The following PEAK1 variants were observed in gnomAD, a reference collection of about 807,000 sequenced individuals.
PEAK1 encodes the protein pseudopodium enriched atypical kinase 1.
A neutral mutation model predicts 124.7 loss-of-function variants in PEAK1; 54 were observed. The ratio of observed to expected loss-of-function variants is 0.43; its 90% CI spans 0.35 to 0.54. The LOEUF (loss-of-function observed/expected upper bound fraction) is 0.54, where lower values mean the gene tolerates loss of function less well. PEAK1 is among the 20% of genes least tolerant of loss of function. The pLI is 0.01. For synonymous variants in PEAK1, 719 were observed against 760.0 expected, an observed-to-expected ratio of 0.95 and a Z score of 0.89; for missense variants, 2,046 against 2,134.5, an observed-to-expected ratio of 0.96 and a Z score of 0.82.
intron 2 of PEAK1, chr15:77,337,679 C>A: frequency 1.9e-5 from 19 of 985,176 alleles, no homozygotes; most frequent in Non-Finnish European, 2.3e-5. Flanking sequence ...AAAAAATTAA[C>A]CCGGAAAAGT....
intron 2 of PEAK1, among the ~76,000 whole-genome samples, chr15:77,311,385 T>G (rs1335617204): frequency 1.3e-5 from 2 of 151,820 alleles, no homozygotes; most frequent in African/African-American, 4.8e-5. Context: ...ACATAGAAAA[T>G]TAAAGGCAGG....
intron 2 of PEAK1, chr15:77,336,250 AAG>A: frequency 1.0e-6 from 1 of 985,364 alleles, no homozygotes; most frequent in Non-Finnish European, 1.2e-6. Flanking sequence ...AATGGGCACA[AAG>A]AATCTAATCA....
Position 77,180,076 on chromosome 15 carries a change from A to C in PEAK1, c.1851T>G (p.Ala617=). The C allele has an allele frequency of 1.9e-6, 3 of 1,614,102 alleles. No individual in the cohort carries two copies. Among genetic ancestry groups the C allele is most frequent in the Non-Finnish European group, 2.5e-6 (3 of 1,179,960 alleles). Residue 617 remains alanine (A), a synonymous_variant, in exon 7 of 10, where the codon GCT becomes GCG. Transcript: ENST00000682557. ...CTTTGATAGCATTTTTGGAACTCCG[A>C]GCATAAGTTGGCTCGTCATGAATGA... ...PIIIHDEPTY[A]RSSKNAIKVP...
chr15:77,116,090 AG>A (rs1177564018), intron 9 of PEAK1, among the ~76,000 whole-genome samples: 1 of 152,242 alleles, frequency 6.6e-6, no homozygotes, highest in African/African-American at 2.4e-5. Flanking sequence ...GGATCAAGGA[AG>A]AATTTTTTGA....
At chr15:77,277,305 T>C (rs899769769) in intron 5 of PEAK1, among the ~76,000 whole-genome samples, 8 of 152,180 alleles carry the variant, frequency 5.3e-5, no homozygotes, top group Non-Finnish European at 7.4e-5. Flanking sequence ...GGGTGAGGGA[T>C]GGTGAAAGGG....
chr15:77,215,059 C>G (rs1184704329), intron 6 of PEAK1, among the ~76,000 whole-genome samples: 1 of 152,018 alleles, frequency 6.6e-6, no homozygotes, highest in Non-Finnish European at 1.5e-5. Flanking sequence ...TTTTGCATTC[C>G]CACTTGCGAT....
intron 5 of PEAK1, among the ~76,000 whole-genome samples, chr15:77,252,766 T>C (rs989702494): frequency 1.1e-4 from 16 of 152,200 alleles, no homozygotes; most frequent in Non-Finnish European, 2.9e-5. Flanking sequence ...ACCGATGCAC[T>C]TGAGATTTTC....
intron 6 of PEAK1, among the ~76,000 whole-genome samples, chr15:77,198,993 T>C (rs569975616): frequency 2.6e-5 from 4 of 152,310 alleles, no homozygotes; most frequent in African/African-American, 9.6e-5. Context: ...TTCATCTATT[T>C]GTATGGAAGA....
chr15:77,189,075 C>T (rs536895183), intron 6 of PEAK1, among the ~76,000 whole-genome samples: 2 of 152,212 alleles, frequency 1.3e-5, no homozygotes, highest in Middle Eastern at 3.4e-3. Flanking sequence ...GTGGTGCGCG[C>T]CTGTAGTCCC....
chr15:77,291,998 T>C (rs557941032), intron 2 of PEAK1, among the ~76,000 whole-genome samples: 2 of 145,406 alleles, frequency 1.4e-5, no homozygotes, highest in African/African-American at 5.1e-5. Flanking sequence ...AAAAAAAGAG[T>C]TATATATTTC....
intron 8 of PEAK1, among the ~76,000 whole-genome samples, chr15:77,141,040 G>C (rs544153409): frequency 6.6e-6 from 1 of 151,836 alleles, no homozygotes; most frequent in African/African-American, 2.4e-5. Context: ...TTCTAGTCAG[G>C]GATATTAGGA....
At chr15:77,154,431 C>G (rs1035778459) in intron 8 of PEAK1, among the ~76,000 whole-genome samples, 2 of 152,228 alleles carry the variant, frequency 1.3e-5, no homozygotes, top group Non-Finnish European at 2.9e-5. Context: ...GGTCTTGACT[C>G]TTTATCCAAT....
chr15:77,309,176 T>C (rs73461011), intron 2 of PEAK1, among the ~76,000 whole-genome samples: 289 of 152,214 alleles, frequency 1.9e-3, no homozygotes, highest in African/African-American at 6.7e-3. Context: ...TTACCAAAGA[T>C]GAATATGTCT....
chr15:77,346,445 G>A, intron 2 of PEAK1: 1 of 985,248 alleles, frequency 1.0e-6, no homozygotes, highest in Non-Finnish European at 1.2e-6. Context: ...CCTTGGGGGA[G>A]AGGCCAACTC....
rs1242572351 is a variant in PEAK1, at chr15:77,174,581, TA to T, written c.3137+4208del. On this transcript the variant is annotated intron_variant, in intron 7 of 9. Coordinates refer to ENST00000682557, the MANE Select transcript of PEAK1 (RefSeq NM_001385026.1). The stretch of plus-strand genomic sequence containing the variant: ...TCATGCTTTAAACTTTTCAAAAAGT[TA>T]AAAAAAGCTACTGAATACCTCTTTT... 2.0e-5 allele frequency among the ~76,000 whole-genome samples: 3 copies of T among 152,170 alleles called. No individual in the cohort carries two copies. The East Asian group carries it at 5.8e-4, about 29-fold the overall frequency.
At position 77,311,910 on chromosome 15, in the gene PEAK1, A is replaced by G. The variant is rs553280008; in HGVS notation, c.-602-25406T>C. Among the ~76,000 whole-genome samples, 36 of 152,156 alleles carry G rather than the reference A, an allele frequency of 2.4e-4. No individual in the cohort carries two copies. In the South Asian group the frequency reaches 4.6e-3, roughly 19 times the overall value. On this transcript the variant is annotated intron_variant, in intron 2 of 9. Coordinates refer to ENST00000682557, the MANE Select transcript of PEAK1 (RefSeq NM_001385026.1). ...GCAGAGCCAATATACAATTTTACTGAAGAGAAAAACAAGATTTTAAAGTGC... is the reference window on the plus strand; with the variant it reads ...GCAGAGCCAATATACAATTTTACTGGAGAGAAAAACAAGATTTTAAAGTGC...
chr15:77,237,088 A>G (rs2060158257), intron 6 of PEAK1, among the ~76,000 whole-genome samples: 1 of 152,196 alleles, frequency 6.6e-6, no homozygotes, highest in Non-Finnish European at 1.5e-5. Flanking sequence ...GTGGGCTTAT[A>G]CTATGAATGC....
chr15:77,203,038 G>GAA (rs528246915), intron 6 of PEAK1, among the ~76,000 whole-genome samples: 7 of 80,448 alleles, frequency 8.7e-5, no homozygotes, highest in South Asian at 3.7e-4. Flanking sequence ...CCCTGTCTCA[G>GAA]AAAAAAAAAA....
intron 6 of PEAK1, among the ~76,000 whole-genome samples, chr15:77,241,929 A>G (rs747296435): frequency 1.3e-5 from 2 of 152,098 alleles, no homozygotes; most frequent in Non-Finnish European, 2.9e-5. Flanking sequence ...ATTTAATACA[A>G]TTCCAATCAA....
Sources: allele counts gnomAD v4.1 joint callset (sites outside exome capture counted in the v4.1 genomes callset), GRCh38; gene constraint gnomAD v4.1.1; transcripts MANE v1.5; gene names NCBI Gene and HGNC (gene_info 2026-07-23, HGNC 2026-07-21).